Variants in TENM4 observed in about 807,000 individuals in gnomAD.
TENM4 encodes teneurin transmembrane protein 4, also known as teneurin-4.
In TENM4, 82 loss-of-function variants were observed where a neutral mutation model predicts 243.3. The ratio of observed to expected loss-of-function variants is 0.34; its 90% CI spans 0.28 to 0.40. The LOEUF is 0.40. Among genes scored for constraint, TENM4 ranks in the 10% least tolerant of loss-of-function variants. The pLI is 1.00. For synonymous variants in TENM4, 1,412 were observed against 1,456.3 expected, an observed-to-expected ratio of 0.97 and a Z score of 0.69; for missense variants, 3,138 against 3,673.3, an observed-to-expected ratio of 0.85 and a Z score of 3.77.
intron 19 of TENM4, among the ~76,000 whole-genome samples, chr11:78,747,240 A>G (rs1158979430): frequency 6.6e-6 from 1 of 152,224 alleles, no homozygotes; most frequent in Non-Finnish European, 1.5e-5. Context: ...GCCCAGGTAC[A>G]GCAGGGATGG....
intron 6 of TENM4, among the ~76,000 whole-genome samples, chr11:78,928,238 C>T (rs755019341): frequency 1.3e-5 from 2 of 152,102 alleles, no homozygotes; most frequent in Non-Finnish European, 2.9e-5. Flanking sequence ...GGAGCAGTTT[C>T]CTGGAAGGAG....
At chr11:78,940,441 T>A (rs1856866208) in intron 6 of TENM4, among the ~76,000 whole-genome samples, 1 of 151,924 alleles carries the variant, frequency 6.6e-6, no homozygotes, top group Non-Finnish European at 1.5e-5. Flanking sequence ...CACTTAGGAG[T>A]GATGATGGTC....
intron 6 of TENM4, among the ~76,000 whole-genome samples, chr11:78,917,781 C>T (rs564877107): frequency 4.7e-4 from 72 of 152,150 alleles, no homozygotes; most frequent in Non-Finnish European, 9.4e-4. Flanking sequence ...TTAAGAGGAA[C>T]GTAATACAGT....
chr11:79,046,138 C>T (rs1372619267), intron 6 of TENM4, among the ~76,000 whole-genome samples: 1 of 152,180 alleles, frequency 6.6e-6, no homozygotes, highest in Non-Finnish European at 1.5e-5. Context: ...CATCATGCCT[C>T]CGGTGAAGGG....
At chr11:78,967,640 G>C (rs1020639231) in intron 6 of TENM4, among the ~76,000 whole-genome samples, 29 of 152,188 alleles carry the variant, frequency 1.9e-4, no homozygotes, top group Non-Finnish European at 3.4e-4. Flanking sequence ...TGTTCACGTG[G>C]GCAAATAAGG....
chr11:78,666,392 T>C (rs1260741480), intron 32 of TENM4, among the ~76,000 whole-genome samples: 2 of 152,224 alleles, frequency 1.3e-5, no homozygotes, highest in Non-Finnish European at 1.5e-5. Context: ...ATGTAAAATC[T>C]TTTTCTTATG....
intron 6 of TENM4, among the ~76,000 whole-genome samples, chr11:78,914,683 T>A (rs1223598902): frequency 6.6e-6 from 1 of 152,204 alleles, no homozygotes; most frequent in Non-Finnish European, 1.5e-5. Context: ...CCAGCTGCTG[T>A]CAGAACCTCC....
chr11:78,700,112 C>T (rs1276464524), intron 28 of TENM4, among the ~76,000 whole-genome samples: 1 of 152,196 alleles, frequency 6.6e-6, no homozygotes, highest in East Asian at 1.9e-4. Flanking sequence ...AACTACAGAT[C>T]CTTTTCCTTT....
chr11:78,879,725 A>G (rs1185785219), intron 9 of TENM4, among the ~76,000 whole-genome samples: 1 of 129,726 alleles, frequency 7.7e-6, no homozygotes, highest in South Asian at 2.6e-4. Flanking sequence ...GCGCCTCTGC[A>G]CGGCCGCCAC....
chr11:79,062,647 C>A (rs1339815023), intron 6 of TENM4, among the ~76,000 whole-genome samples: 1 of 152,218 alleles, frequency 6.6e-6, no homozygotes, highest in South Asian at 2.1e-4. Flanking sequence ...CTAACATTCT[C>A]AGATCAGGGG....
chr11:78,960,157 C>T (rs889445051), intron 6 of TENM4, among the ~76,000 whole-genome samples: 16 of 152,012 alleles, frequency 1.1e-4, no homozygotes, highest in African/African-American at 3.9e-4. Flanking sequence ...GCTCCCAGCC[C>T]AGGGTTCCTG....
In TENM4 at chr11:78,784,205, GT is replaced by G. The variant is rs557387130; in HGVS notation, c.2365+2692del. Among the ~76,000 whole-genome samples, 260 of 152,274 alleles carry G rather than the reference GT, an allele frequency of 1.7e-3. 1 individual carries two copies. Among genetic ancestry groups the G allele is most frequent in the African/African-American group, 5.8e-3 (243 of 41,558 alleles). On this transcript the variant is annotated intron_variant, in intron 16 of 33. Coordinates refer to ENST00000278550, the MANE Select transcript of TENM4 (RefSeq NM_001098816.3). ...GAATTTCTAACTTTTCACATCAGCA[GT>G]TTTTTTCTTTTCCTAAATGACTCTC...
At chr11:79,408,515 A>T (rs192221583) in intron 1 of TENM4, among the ~76,000 whole-genome samples, 17 of 152,364 alleles carry the variant, frequency 1.1e-4, no homozygotes, top group African/African-American at 4.1e-4. Flanking sequence ...TGAGGATTAC[A>T]TTAAACAAGA....
chr11:79,162,271 T>C (rs537762096), intron 3 of TENM4, among the ~76,000 whole-genome samples: 4 of 152,288 alleles, frequency 2.6e-5, no homozygotes, highest in African/African-American at 7.2e-5. Context: ...TTCTGTGATA[T>C]GGGAAAAATT....
At chr11:79,158,094 T>C (rs1862660931) in intron 3 of TENM4, among the ~76,000 whole-genome samples, 1 of 152,242 alleles carries the variant, frequency 6.6e-6, no homozygotes, top group Admixed American at 6.5e-5. Flanking sequence ...CCTCCTGCAC[T>C]CTGGGCTGCT....
At chr11:79,123,809 G>C (rs1861800378) in intron 4 of TENM4, among the ~76,000 whole-genome samples, 1 of 152,108 alleles carries the variant, frequency 6.6e-6, no homozygotes, top group South Asian at 2.1e-4. Context: ...ACACGCAAAA[G>C]GGATTCTGGG....
chr11:78,824,955 G>T (rs1857818627), intron 12 of TENM4, among the ~76,000 whole-genome samples: 3 of 152,142 alleles, frequency 2.0e-5, no homozygotes, highest in Non-Finnish European at 4.4e-5. Flanking sequence ...ATCTATTTTG[G>T]CTTTGTTAAC....
intron 6 of TENM4, among the ~76,000 whole-genome samples, chr11:79,057,470 C>T (rs1859971717): frequency 6.6e-6 from 1 of 152,214 alleles, no homozygotes; most frequent in African/African-American, 2.4e-5. Context: ...GTCACCTTCT[C>T]TGTGAAGCCT....
At chr11:78,814,267 T>A in intron 13 of TENM4, 27 bp downstream of exon 13, 1 of 1,545,650 alleles carries the variant, frequency 6.5e-7, no homozygotes, top group Non-Finnish European at 8.7e-7. Context: ...GAAGCAGAAA[T>A]CCAGAGCTCC....
Sources: allele counts gnomAD v4.1 joint callset (sites outside exome capture counted in the v4.1 genomes callset), GRCh38; gene constraint gnomAD v4.1.1; transcripts MANE v1.5; gene names NCBI Gene and HGNC (gene_info 2026-07-23, HGNC 2026-07-21).